The following CD109 variants were observed in gnomAD, a reference collection of about 807,000 sequenced individuals.
The protein encoded by CD109 is CD109 molecule, also known as CD109 antigen.
Under a neutral mutation model 165.8 loss-of-function variants are expected in CD109, and 149 were observed. The ratio of observed to expected loss-of-function variants is 0.90; its 90% CI spans 0.79 to 1.03. CD109 has a LOEUF of 1.03. CD109 is among the 50% of genes least tolerant of loss of function. The pLI, the probability that CD109 is intolerant of heterozygous loss-of-function variation, is 0.00. For missense variants in CD109, 1,712 were observed against 1,677.8 expected (o/e 1.02, Z -0.36); for synonymous variants, 585 against 592.1 (o/e 0.99, Z 0.18).
intron 23 of CD109, among the ~76,000 whole-genome samples, chr6:73,801,619 CAG>C (rs750369149): frequency 6.6e-6 from 1 of 152,084 alleles, no homozygotes; most frequent in East Asian, 1.9e-4. Flanking sequence ...TGGAAAGACT[CAG>C]GGAGAAGTTT....
chr6:73,731,575 A>G (rs1156841779), intron 4 of CD109, among the ~76,000 whole-genome samples: 1 of 152,210 alleles, frequency 6.6e-6, no homozygotes, highest in African/African-American at 2.4e-5. Flanking sequence ...GCAGGGCCTT[A>G]TTGGCCATGA....
At chr6:73,791,154 T>TAC (rs1412128027) in intron 22 of CD109, among the ~76,000 whole-genome samples, 2 of 28,238 alleles carry the variant, frequency 7.1e-5, no homozygotes, top group East Asian at 2.8e-3. Flanking sequence ...TATATATATA[T>TAC]ATATATATAT....
chr6:73,774,561 A>G (rs1350417831), intron 15 of CD109, among the ~76,000 whole-genome samples: 3 of 152,136 alleles, frequency 2.0e-5, no homozygotes, highest in Non-Finnish European at 4.4e-5. Flanking sequence ...TCACTTTCCC[A>G]CACTAGAAAG....
At chr6:73,795,420 C>T (rs181098339) in intron 23 of CD109, among the ~76,000 whole-genome samples, 2 of 152,210 alleles carry the variant, frequency 1.3e-5, no homozygotes, top group African/African-American at 2.4e-5. Flanking sequence ...AGCCATCCTA[C>T]AAAATGAATG....
chr6:73,783,416 C>T (rs999118746), intron 18 of CD109, among the ~76,000 whole-genome samples: 9 of 152,016 alleles, frequency 5.9e-5, no homozygotes, highest in Admixed American at 1.3e-4. Flanking sequence ...TATTTATTAT[C>T]TATAAAAAAT....
chr6:73,713,955 G>A (rs980982715), intron 2 of CD109, among the ~76,000 whole-genome samples: 12 of 151,998 alleles, frequency 7.9e-5, no homozygotes, highest in African/African-American at 2.4e-4. Flanking sequence ...ATTTGCTGCC[G>A]GTGGGTGGTA....
chr6:73,727,618 C>A (rs1415083052), intron 3 of CD109, among the ~76,000 whole-genome samples: 5 of 152,104 alleles, frequency 3.3e-5, no homozygotes, highest in Non-Finnish European at 7.4e-5. Flanking sequence ...TTCTCTGACC[C>A]TTTAGGCTGC....
intron 5 of CD109, among the ~76,000 whole-genome samples, chr6:73,745,681 C>T (rs982572133): frequency 2.6e-5 from 4 of 152,160 alleles, no homozygotes; most frequent in African/African-American, 9.7e-5. Context: ...GCTGCTGTCA[C>T]CTCACAGCCT....
chr6:73,754,435 C>T (rs1039985215), intron 5 of CD109, among the ~76,000 whole-genome samples: 1 of 151,952 alleles, frequency 6.6e-6, no homozygotes. Context: ...GGGAAGGAGA[C>T]GGTCAATGGA....
intron 30 of CD109, among the ~76,000 whole-genome samples, chr6:73,816,474 T>C (rs896570292): frequency 1.3e-5 from 2 of 152,160 alleles, no homozygotes; most frequent in African/African-American, 4.8e-5. Flanking sequence ...TTTCTCAAAT[T>C]CCTGGCCTCA....
At chr6:73,710,635 A>G (rs1371868854) in intron 2 of CD109, among the ~76,000 whole-genome samples, 1 of 152,088 alleles carries the variant, frequency 6.6e-6, no homozygotes, top group African/African-American at 2.4e-5. Context: ...TCAGTATCAG[A>G]TATTAATACT....
chr6:73,717,424 A>G (rs912372615), intron 2 of CD109, among the ~76,000 whole-genome samples: 1 of 151,416 alleles, frequency 6.6e-6, no homozygotes, highest in Admixed American at 6.6e-5. Context: ...ATATCTTTTC[A>G]TTTTTTTGGT....
At chr6:73,798,110 G>GTTTTTTTT (rs57382539) in intron 23 of CD109, among the ~76,000 whole-genome samples, 4 of 142,520 alleles carry the variant, frequency 2.8e-5, no homozygotes, top group Non-Finnish European at 3.0e-5. Flanking sequence ...TCAGTGTCCT[G>GTTTTTTTT]TTTTTTTTTT....
rs766798304 is a variant in CD109 at position 73,783,761 on chromosome 6, G to T, written c.2160G>T (p.Trp720Cys). 6.2e-6 allele frequency: 10 copies of T among 1,613,166 alleles called. No homozygotes were observed. The highest frequency in any genetic ancestry group is 7.6e-6 in the Non-Finnish European group (9 of 1,179,524). The change falls in exon 19 of 33, where the codon TGG (tryptophan) becomes TGT (cysteine). Residue 720 changes from tryptophan to cysteine, a missense_variant. By Grantham distance (215) the Trp-to-Cys change is radical. Transcript: ENST00000287097. ...CTGTACCTGATTCTATCACTTCTTG[G>T]GTGGCTACTGGTTTTGTGATCTCTG... ...EVTVPDSITS[W>C]VATGFVISED...
chr6:73,812,672 A>G (rs182017749), intron 29 of CD109, among the ~76,000 whole-genome samples: 6 of 152,228 alleles, frequency 3.9e-5, no homozygotes, highest in Admixed American at 2.0e-4. Flanking sequence ...ATCTTATATA[A>G]TAGTAAATAT....
intron 2 of CD109, among the ~76,000 whole-genome samples, chr6:73,720,384 T>A (rs1771904702): frequency 6.6e-6 from 1 of 152,120 alleles, no homozygotes; most frequent in African/African-American, 2.4e-5. Flanking sequence ...TGTTGGTCAA[T>A]AGACACAAAA....
the CD109 span, among the ~76,000 whole-genome samples, chr6:73,687,490 C>T: frequency 6.7e-6 from 1 of 149,686 alleles, no homozygotes; most frequent in Non-Finnish European, 1.5e-5. Flanking sequence ...CTTCCCTCTC[C>T]TCCCCTTCTT....
Position 73,787,301 on chromosome 6 carries a change from C to T in CD109, c.2405C>T (p.Thr802Ile), listed in dbSNP as rs557812819. ...ATGACTTCAAATGAAATAAATGCCA[C>T]AGGCCACCAGCAGACCCTTCTGGTT... ...ILMTSNEINA[T>I]GHQQTLLVPS... Residue 802 changes from threonine (T) to isoleucine (I), a missense_variant, in exon 21 of 33, where the codon ACA (threonine) becomes ATA (isoleucine). By Grantham distance (89) the Thr-to-Ile change is moderately conservative (BLOSUM62 -1). Transcript: ENST00000287097. 4 of 1,613,982 alleles carry T rather than the reference C, an allele frequency of 2.5e-6. No individual in the cohort carries two copies. The highest frequency in any genetic ancestry group is 1.7e-5 in the Admixed American group (1 of 60,016).
At chr6:73,764,089 G>A (rs905792651) in intron 10 of CD109, among the ~76,000 whole-genome samples, 61 of 152,144 alleles carry the variant, frequency 4.0e-4, no homozygotes, top group African/African-American at 1.4e-3. Flanking sequence ...ATTTTTTGGA[G>A]ATAATGTTGA....
Sources: gnomAD v4.1 joint callset for allele counts (sites outside exome capture counted in the v4.1 genomes callset) on GRCh38, gnomAD v4.1.1 for gene constraint, MANE v1.5 for transcripts, NCBI Gene and HGNC (gene_info 2026-07-23, HGNC 2026-07-21) for gene names.